The following SCAPER variants were observed in gnomAD, a reference collection of about 807,000 sequenced individuals.
SCAPER encodes S-phase cyclin A associated protein in the ER, also known as S phase cyclin A-associated protein in the endoplasmic reticulum.
SCAPER carries 98 observed loss-of-function variants against 182.2 expected under a neutral mutation model. The observed-to-expected ratio is 0.54, with a 90% confidence interval of 0.46 to 0.64. The LOEUF (loss-of-function observed/expected upper bound fraction) is 0.64, where lower values mean the gene tolerates loss of function less well. Ranked by LOEUF, SCAPER falls within the 30% of genes least tolerant of loss-of-function variation. The probability of loss-of-function intolerance (pLI) is 0.00; values close to 1 mark genes in which losing one functional copy is unlikely to be tolerated. For synonymous variants in SCAPER, 605 were observed against 564.6 expected, an observed-to-expected ratio of 1.07 and a Z score of -1.01; for missense variants, 1,432 against 1,690.0, an observed-to-expected ratio of 0.85 and a Z score of 2.68.
intron 2 of SCAPER, among the ~76,000 whole-genome samples, chr15:76,874,336 T>G (rs1208471089): frequency 6.6e-6 from 1 of 152,100 alleles, no homozygotes; most frequent in Non-Finnish European, 1.5e-5. Flanking sequence ...TTAAAGGATA[T>G]GTAAGAAAGA....
chr15:76,761,404 TGTGA>T (rs979930394), intron 14 of SCAPER, among the ~76,000 whole-genome samples: 3 of 152,192 alleles, frequency 2.0e-5, no homozygotes, highest in African/African-American at 7.2e-5. Flanking sequence ...TTTCTAGTTC[TGTGA>T]GTTAGAAAAC....
rs77266559 is a variant in SCAPER, at chr15:76,667,262, G to C, written c.2509-1473C>G. ...CTACAGATAATTTCCTCCTACCTGA[G>C]ACTCCTTCACTAGGTTTCCTGACAT... On this transcript the variant is annotated intron_variant, in intron 20 of 31. Coordinates refer to ENST00000563290, the MANE Select transcript of SCAPER (RefSeq NM_020843.4). 9.0e-3 allele frequency among the ~76,000 whole-genome samples: 1,366 copies of C among 152,126 alleles called. 21 individuals carry two copies. Among genetic ancestry groups the C allele is most frequent in the African/African-American group, 0.032 (1,326 of 41,478 alleles).
Position 76,440,907 on chromosome 15 carries a change from G to GTTTTTTTTTTT in SCAPER, c.3079-6598_3079-6597insAAAAAAAAAAA, listed in dbSNP as rs1225009824. On this transcript the variant is annotated intron_variant, in intron 25 of 31. Transcript: ENST00000563290. ...ATCTTTTAAAATTATTCCCCTTCTG[G>GTTTTTTTTTTT]TTTTTTTTTTGTTTTTTTTTTTTTT... 3.6e-5 allele frequency among the ~76,000 whole-genome samples: 3 copies of GTTTTTTTTTTT among 82,818 alleles called. 1 individual carries two copies. Among genetic ancestry groups the GTTTTTTTTTTT allele is most frequent in the African/African-American group, 1.3e-4 (3 of 22,852 alleles). The allele number at this position is 82,818 out of a possible 152,430, so 54.3% of individuals were successfully genotyped here. A position where few individuals can be genotyped will look rare whatever the true frequency, so the allele number is the denominator to read the frequency against.
chr15:76,856,790 C>T (rs1287176560), intron 4 of SCAPER, among the ~76,000 whole-genome samples: 2 of 151,982 alleles, frequency 1.3e-5, no homozygotes, highest in Admixed American at 6.6e-5. Context: ...ATTACTTGAG[C>T]CCAGGAGGTC....
intron 26 of SCAPER, among the ~76,000 whole-genome samples, chr15:76,421,066 T>G (rs983628735): frequency 2.0e-5 from 3 of 152,250 alleles, no homozygotes; most frequent in Non-Finnish European, 1.5e-5. Context: ...TTGTGAATAG[T>G]GCCACAATAA....
intron 22 of SCAPER, among the ~76,000 whole-genome samples, chr15:76,606,520 T>C (rs1438023712): frequency 6.6e-6 from 1 of 152,092 alleles, no homozygotes. Context: ...GTTCTGTAGA[T>C]GTCTATTAGG....
At chr15:76,574,751 G>A (rs1423428960) in intron 22 of SCAPER, among the ~76,000 whole-genome samples, 1 of 152,092 alleles carries the variant, frequency 6.6e-6, no homozygotes, top group Non-Finnish European at 1.5e-5. Flanking sequence ...GTCTGCTACT[G>A]CTCATATCAT....
rs142593965 is a variant in SCAPER at position 76,624,490 on chromosome 15, A to T, written c.2646-2661T>A. 4.6e-5 allele frequency among the ~76,000 whole-genome samples: 7 copies of T among 152,368 alleles called. No individual in the cohort carries two copies. In the East Asian group the frequency reaches 1.3e-3, roughly 29 times the overall value. ...AATGGCTGCCCAAAGTAACCTGCAG[A>T]TTCAATGCTATTCCTATTAAGTTAC... On this transcript the variant is annotated intron_variant, in intron 21 of 31. Coordinates refer to ENST00000563290, the MANE Select transcript of SCAPER (RefSeq NM_020843.4).
intron 27 of SCAPER, among the ~76,000 whole-genome samples, chr15:76,386,490 G>A (rs147312818): frequency 1.7e-4 from 26 of 152,170 alleles, no homozygotes; most frequent in South Asian, 4.1e-4. Flanking sequence ...AGATATAAAC[G>A]AACAAATATA....
chr15:76,612,595 T>C (rs2051103157), intron 22 of SCAPER, among the ~76,000 whole-genome samples: 3 of 152,138 alleles, frequency 2.0e-5, no homozygotes, highest in Admixed American at 6.6e-5. Context: ...ACAAAATCAA[T>C]GTGCAAAAAT....
chr15:76,856,346 C>A (rs4886835), intron 4 of SCAPER, among the ~76,000 whole-genome samples: 2 of 151,868 alleles, frequency 1.3e-5, no homozygotes, highest in East Asian at 3.9e-4. Context: ...ATAATCTGTA[C>A]GACAAACCCC....
At position 76,381,497 on chromosome 15, in the gene SCAPER, T is replaced by G; in HGVS notation, c.3586A>C (p.Ile1196Leu). The change falls in exon 28 of 32, where the codon ATC becomes CTC. Residue 1196 changes from isoleucine to leucine, a missense_variant. By Grantham distance (5) the Ile-to-Leu change is conservative. This residue lies in a region of SCAPER where 718 missense variants were observed against 799.7 expected (regional missense o/e 0.90). Transcript: ENST00000563290. ...GGACTGGCAGTGCTGGGGTCCAAGA[T>G]GGTGCCATGGAAGAGGACACAGTAG... is the stretch of plus-strand genomic sequence containing the variant. ...MLYCVLFHGT[I>L]LDPSTASPKE... is the part of the protein sequence containing the mutation. 3 of 1,613,686 alleles carry G rather than the reference T, an allele frequency of 1.9e-6. No homozygotes were observed. Among genetic ancestry groups the G allele is most frequent in the Non-Finnish European group, 2.5e-6 (3 of 1,179,800 alleles).
intron 20 of SCAPER, among the ~76,000 whole-genome samples, chr15:76,696,656 A>G (rs1336474993): frequency 6.6e-6 from 1 of 152,172 alleles, no homozygotes; most frequent in Non-Finnish European, 1.5e-5. Flanking sequence ...CTTCTAGAAA[A>G]GATACTATCA....
chr15:76,636,295 T>A (rs577996963), intron 21 of SCAPER, among the ~76,000 whole-genome samples: 31 of 152,258 alleles, frequency 2.0e-4, no homozygotes, highest in African/African-American at 7.5e-4. Flanking sequence ...TAAGGATCCC[T>A]TATATGTGAA....
intron 17 of SCAPER, among the ~76,000 whole-genome samples, chr15:76,712,613 T>C (rs553257663): frequency 1.3e-5 from 2 of 152,280 alleles, no homozygotes; most frequent in South Asian, 2.1e-4. Flanking sequence ...TTTTATTTCA[T>C]TGAGCAGTGG....
At chr15:76,430,262 G>C (rs376268466) in intron 26 of SCAPER, among the ~76,000 whole-genome samples, 7 of 152,172 alleles carry the variant, frequency 4.6e-5, no homozygotes, top group African/African-American at 1.4e-4. Flanking sequence ...GGAAATGTGG[G>C]GTCAGAGCCC....
At chr15:76,802,620 G>A (rs769492356) in intron 6 of SCAPER, among the ~76,000 whole-genome samples, 46 of 152,100 alleles carry the variant, frequency 3.0e-4, no homozygotes, top group East Asian at 7.7e-4. Flanking sequence ...TTGGTTTCCC[G>A]GGAATCCAGC....
intron 19 of SCAPER, among the ~76,000 whole-genome samples, chr15:76,702,408 G>C (rs767589702): frequency 1.3e-5 from 2 of 152,010 alleles, no homozygotes; most frequent in Non-Finnish European, 2.9e-5. Context: ...TTTTCATTCA[G>C]AATCATGAAA....
chr15:76,363,539 C>A (rs935499446), intron 29 of SCAPER, among the ~76,000 whole-genome samples: 1 of 152,160 alleles, frequency 6.6e-6, no homozygotes, highest in Non-Finnish European at 1.5e-5. Flanking sequence ...AAGGCCAAAT[C>A]GGTTCCATTG....
Sources: allele counts gnomAD v4.1 joint callset (sites outside exome capture counted in the v4.1 genomes callset), GRCh38; gene constraint gnomAD v4.1.1; regional missense constraint gnomAD v4.1.1; transcripts MANE v1.5; gene names NCBI Gene and HGNC (gene_info 2026-07-23, HGNC 2026-07-21).